BCL3: variants seen among roughly 807,000 people sequenced by gnomAD.
The protein encoded by BCL3 is B-cell lymphoma 3 protein.
In BCL3, 15 loss-of-function variants were observed where a neutral mutation model predicts 35.7. That is an observed-to-expected ratio of 0.42 (90% CI 0.28 to 0.65). The LOEUF is 0.65. BCL3 is among the 30% of genes least tolerant of loss of function. BCL3 has a pLI of 0.22. For synonymous variants in BCL3, 311 were observed against 284.3 expected (o/e 1.09, Z -0.95); for missense variants, 565 against 641.7 (o/e 0.88, Z 1.29).
In BCL3 at chr19:44,749,052, T is replaced by C; in HGVS notation, c.256+6T>C. 1 of 1,319,326 alleles carries C rather than the reference T, an allele frequency of 7.6e-7. No homozygotes were observed. Among genetic ancestry groups the C allele is most frequent in the Non-Finnish European group, 9.7e-7 (1 of 1,032,110 alleles). The allele number at this position is 1,319,326 out of a possible 1,614,324, so 81.7% of individuals were successfully genotyped here. A position where few individuals can be genotyped will look rare whatever the true frequency, so the allele number is the denominator to read the frequency against. On this transcript the variant is annotated splice_donor_region_variant and intron_variant, in intron 1 of 8. Transcript: ENST00000164227. ...GGAGGCGCTTTACTACCCCGGTGAG[T>C]GGCCCCCGAGGGTCCGGGCCGGGTG...
chr19:44,756,512 GC>G (rs527621189), intron 3 of BCL3, among the ~76,000 whole-genome samples, 172 bp downstream of exon 3: 18 of 148,792 alleles, frequency 1.2e-4, no homozygotes, highest in African/African-American at 4.3e-4. Context: ...GAGGAGGGCT[GC>G]GGGCCTGGGA....
intron 2 of BCL3, among the ~76,000 whole-genome samples, chr19:44,754,423 C>T (rs1967242836): frequency 6.6e-6 from 1 of 152,108 alleles, no homozygotes; most frequent in South Asian, 2.1e-4. Flanking sequence ...AGTTGGGGTG[C>T]CAGGGGTGGC....
At chr19:44,753,625 G>C (rs934959311) in intron 2 of BCL3, among the ~76,000 whole-genome samples, 1 of 152,120 alleles carries the variant, frequency 6.6e-6, no homozygotes, top group Non-Finnish European at 1.5e-5. Flanking sequence ...CTGCGCCACC[G>C]GCTCCTCTTC....
rs1967117648 is a variant in BCL3 at position 44,748,803 on chromosome 19, C to G, written c.13C>G (p.Pro5Ala). The G allele has an allele frequency of 9.0e-7, 1 of 1,108,456 alleles. No individual in the cohort carries two copies. The highest frequency in any genetic ancestry group is 1.1e-6 in the Non-Finnish European group (1 of 909,606). 68.7% of individuals were successfully genotyped at this position (1,108,456 alleles called of 1,614,324 possible). A position where few individuals can be genotyped will look rare whatever the true frequency, so the allele number is the denominator to read the frequency against. Residue 5 changes from proline to alanine, a missense_variant, in exon 1 of 9, where the codon CCC becomes GCC. Pro to Ala is a conservative substitution (Grantham distance 27). Transcript: ENST00000164227. Reference sequence around the variant, plus strand: ...CCCCGGCGGCCCCATGCCCCGATGCCCCGCGGGGGCCATGGACGAGGGGCC... The same window carrying G: ...CCCCGGCGGCCCCATGCCCCGATGCGCCGCGGGGGCCATGGACGAGGGGCC... The part of the protein sequence containing the change: MPRC[P>A]AGAMDEGPVD...
intron 2 of BCL3, among the ~76,000 whole-genome samples, chr19:44,754,892 G>A: frequency 6.6e-6 from 1 of 152,388 alleles, no homozygotes; most frequent in East Asian, 1.9e-4. Context: ...ACGCGGCTAC[G>A]CTAGGAGGGG....
In BCL3 at chr19:44,757,728, G is replaced by A. The variant is rs754190173; in HGVS notation, c.891+5G>A. On this transcript the variant is annotated splice_donor_5th_base_variant and intron_variant, in intron 6 of 8. Transcript: ENST00000164227. This position sits in a 1 kb window ranked among gnomAD's most constrained non-coding sequence, Gnocchi z 8.4. ...ATGGTGCAGCTGCTGCTGCAGGTGC[G>A]TACAGCCCCCCTGAGCCTCGCGCCC... The A allele has an allele frequency of 1.9e-6, 3 of 1,613,204 alleles. No individual in the cohort carries two copies. Among genetic ancestry groups the A allele is most frequent in the African/African-American group, 1.3e-5 (1 of 74,888 alleles).
chr19:44,757,308 G>T lies in BCL3; in HGVS notation c.725-19G>T. 1.3e-6 allele frequency: 2 copies of T among 1,589,388 alleles called. No individual in the cohort carries two copies. Among genetic ancestry groups the T allele is most frequent in the Non-Finnish European group, 1.7e-6 (2 of 1,167,928 alleles). On this transcript the variant is annotated intron_variant, in intron 4 of 8. Coordinates refer to ENST00000164227, the MANE Select transcript of BCL3 (RefSeq NM_005178.5). The surrounding 1 kb of genome is among the most constrained non-coding windows in gnomAD (Gnocchi z 8.4). ...GCAAAGCCCGGGCCTAGGTTTCACC[G>T]AGCCCTCCTCTCCCTCAGGGCTCAC...
chr19:44,748,852 A>G lies in BCL3; in HGVS notation c.62A>G (p.Lys21Arg), dbSNP rs903985850. The G allele has an allele frequency of 1.9e-5, 21 of 1,104,460 alleles. No individual in the cohort carries two copies. In the African/African-American group the frequency reaches 3.5e-4, roughly 18 times the overall value. 68.4% of individuals were successfully genotyped at this position (1,104,460 alleles called of 1,614,324 possible). ...EGPVDLRTRP[K>R]AAGLPGAALP... is the part of the protein sequence containing the mutation. ...CCCGTGGACCTGCGCACCCGGCCCA[A>G]GGCCGCCGGACTCCCGGGCGCCGCG... Residue 21 changes from lysine to arginine, a missense_variant, in exon 1 of 9, where the codon AAG (lysine) becomes AGG (arginine). Physicochemically the swap from Lys to Arg is conservative, Grantham distance 26. Coordinates refer to ENST00000164227, the MANE Select transcript of BCL3 (RefSeq NM_005178.5).
rs763649312 is a variant in BCL3 at position 44,749,013 on chromosome 19, G to A, written c.223G>A (p.Gly75Ser). 9 of 1,375,390 alleles carry A rather than the reference G, an allele frequency of 6.5e-6. 1 individual carries two copies. The South Asian group carries it at 1.1e-4, about 17-fold the overall frequency. 85.2% of individuals were successfully genotyped at this position (1,375,390 alleles called of 1,614,324 possible). A position where few individuals can be genotyped will look rare whatever the true frequency, so the allele number is the denominator to read the frequency against. Residue 75 changes from glycine to serine, a missense_variant, in exon 1 of 9, where the codon GGC becomes AGC. By Grantham distance (56) the Gly-to-Ser change is moderately conservative (BLOSUM62 0). This residue lies in a region of BCL3 where 267 missense variants were observed against 281.5 expected (regional missense o/e 0.95). Coordinates refer to ENST00000164227, the MANE Select transcript of BCL3 (RefSeq NM_005178.5). Reference protein sequence around the residue: ...DLPAVPGPPHGLARPEALYYP... With the variant: ...DLPAVPGPPHSLARPEALYYP... ...GCCGGCGGTCCCCGGGCCCCCCCAC[G>A]GCCTGGCCCGGCCGGAGGCGCTTTA...
Position 44,751,256 on chromosome 19 carries a change from G to C in BCL3, c.286G>C (p.Ala96Pro), listed in dbSNP as rs747158597. Residue 96 changes from alanine (A) to proline (P), a missense_variant, in exon 2 of 9, where the codon GCC becomes CCC. This residue lies in a region of BCL3 where 267 missense variants were observed against 281.5 expected (regional missense o/e 0.95). Coordinates refer to ENST00000164227, the MANE Select transcript of BCL3 (RefSeq NM_005178.5). ...GALLPLYPTR[A>P]MGSPFPLVNL... ...CTTACTGCCTTTGTACCCCACTCGG[G>C]CCATGGGCTCCCCGTTTCCTCTGGT... 5 of 1,611,214 alleles carry C rather than the reference G, an allele frequency of 3.1e-6. No individual in the cohort carries two copies. The highest frequency in any genetic ancestry group is 4.2e-6 in the Non-Finnish European group (5 of 1,178,840).
intron 2 of BCL3, among the ~76,000 whole-genome samples, chr19:44,754,097 G>T (rs1175136735): frequency 6.6e-6 from 1 of 152,166 alleles, no homozygotes; most frequent in Non-Finnish European, 1.5e-5. Context: ...GGTTTGAGGC[G>T]CTGTATTTCT....
At chr19:44,755,601 C>T (rs1037571928) in intron 2 of BCL3, 1 of 152,374 alleles carries the variant, frequency 6.6e-6, no homozygotes, top group African/African-American at 2.4e-5. Flanking sequence ...TTTGTCCTCA[C>T]CTCCCTTTTA....
In BCL3 at chr19:44,757,452, T is replaced by C; in HGVS notation, c.813+37T>C. 1 of 1,549,872 alleles carries C rather than the reference T, an allele frequency of 6.5e-7. No individual in the cohort carries two copies. Among genetic ancestry groups the C allele is most frequent in the South Asian group, 1.2e-5 (1 of 84,928 alleles). On this transcript the variant is annotated intron_variant, in intron 5 of 8. Coordinates refer to ENST00000164227, the MANE Select transcript of BCL3 (RefSeq NM_005178.5). This position sits in a 1 kb window ranked among gnomAD's most constrained non-coding sequence, Gnocchi z 8.4. ...CTAGGAGCTGGGAGGGAGCGGGGCC[T>C]TAGCAGGGGCGGGGTCTTGGCGGGG...
intron 1 of BCL3, among the ~76,000 whole-genome samples, chr19:44,750,337 C>T (rs955060281): frequency 1.4e-5 from 2 of 147,910 alleles, no homozygotes; most frequent in African/African-American, 2.6e-5. Flanking sequence ...TTTGCTCTGT[C>T]GCCCAGGCTG....
At chr19:44,754,567 C>T (rs1967246215) in intron 2 of BCL3, among the ~76,000 whole-genome samples, 1 of 152,106 alleles carries the variant, frequency 6.6e-6, no homozygotes, top group African/African-American at 2.4e-5. Context: ...CCCCGCCCCA[C>T]CCCCTGCGGC....
chr19:44,757,591 C>T lies in BCL3; in HGVS notation c.814-55C>T, dbSNP rs928252598. 3 of 1,593,800 alleles carry T rather than the reference C, an allele frequency of 1.9e-6. No individual in the cohort carries two copies. The highest frequency in any genetic ancestry group is 2.6e-6 in the Non-Finnish European group (3 of 1,163,658). ...AATGGGATGTGGACGGGATGCGGGT[C>T]GCCGGCTGCTGGAGCAGAGCTTGGA... On this transcript the variant is annotated intron_variant, in intron 5 of 8. Coordinates refer to ENST00000164227, the MANE Select transcript of BCL3 (RefSeq NM_005178.5). The surrounding 1 kb of genome is among the most constrained non-coding windows in gnomAD (Gnocchi z 8.4).
At chr19:44,756,170 G>C (rs1002281711) in intron 2 of BCL3, 62 bp from the exon 3 acceptor site, 54 of 1,177,260 alleles carry the variant, frequency 4.6e-5, no homozygotes, top group Non-Finnish European at 6.0e-5. Context: ...ATTGCCAACA[G>C]CATGAGGGTG....
intron 6 of BCL3, 79 bp from the exon 7 acceptor site, chr19:44,758,167 C>A (rs1236192715): frequency 7.3e-7 from 1 of 1,377,038 alleles, no homozygotes. Flanking sequence ...GTGCCGGCCA[C>A]CCACCCGGGC....
Position 44,759,717 on chromosome 19 carries a change from C to CT in BCL3, c.*102_*103insT. ...TGAAGATCTCACTCTGCCCCCCCCC[C>CT]CCATCTTCGGGACCAGGATTTGCAC... On this transcript the variant is annotated 3_prime_UTR_variant, in exon 9 of 9. Coordinates refer to ENST00000164227, the MANE Select transcript of BCL3 (RefSeq NM_005178.5). 1.6e-6 allele frequency: 1 copy of CT among 634,604 alleles called. No individual in the cohort carries two copies. The highest frequency in any genetic ancestry group is 2.0e-5 in the South Asian group (1 of 48,910). The allele number at this position is 634,604 out of a possible 1,614,324, so 39.3% of individuals were successfully genotyped here. A position where few individuals can be genotyped will look rare whatever the true frequency, so the allele number is the denominator to read the frequency against.
Sources: allele counts gnomAD v4.1 joint callset (sites outside exome capture counted in the v4.1 genomes callset), GRCh38; gene constraint gnomAD v4.1.1; regional missense constraint gnomAD v4.1.1; non-coding constraint Gnocchi (gnomAD v3.1); transcripts MANE v1.5; gene names NCBI Gene and HGNC (gene_info 2026-07-23, HGNC 2026-07-21).